LYPLAL1: variants seen among roughly 807,000 people sequenced by gnomAD.
The protein encoded by LYPLAL1 is lysophospholipase like 1, also known as lysophospholipase-like protein 1.
In LYPLAL1, 23 loss-of-function variants were observed where a neutral mutation model predicts 19.7. That is an observed-to-expected ratio of 1.17 (90% CI 0.84 to 1.65). The LOEUF is 1.65. Among genes scored for constraint, LYPLAL1 ranks in the 40% most tolerant of loss-of-function variants. The pLI is 0.00. For synonymous variants in LYPLAL1, 119 were observed against 96.3 expected, an observed-to-expected ratio of 1.24 and a Z score of -1.38; for missense variants, 355 against 279.4, an observed-to-expected ratio of 1.27 and a Z score of -1.93.
At chr1:219,174,456 A>C (rs545876847) in intron 1 of LYPLAL1, among the ~76,000 whole-genome samples, 3 of 152,280 alleles carry the variant, frequency 2.0e-5, no homozygotes, top group South Asian at 4.1e-4. Flanking sequence ...TTTACAGATT[A>C]TCTCTTTTCT....
At chr1:219,365,200 T>C in the LYPLAL1 span, among the ~76,000 whole-genome samples, 3 of 152,142 alleles carry the variant, frequency 2.0e-5, no homozygotes, top group African/African-American at 7.2e-5. Context: ...GAGGTGATTC[T>C]AGAATCTTTT....
chr1:219,225,744 T>G, the LYPLAL1 span, among the ~76,000 whole-genome samples: 1 of 152,296 alleles, frequency 6.6e-6, no homozygotes, highest in South Asian at 2.1e-4. Flanking sequence ...ATTCAAATTC[T>G]TTAGCTCAGC....
At position 219,211,548 on chromosome 1, in the gene LYPLAL1, A is replaced by C; in HGVS notation, c.534A>C (p.Ala178=). 6.2e-7 allele frequency: 1 copy of C among 1,613,370 alleles called. No individual in the cohort carries two copies. Among genetic ancestry groups the C allele is most frequent in the Non-Finnish European group, 8.5e-7 (1 of 1,179,468 alleles). ...LPELFQCHGT[A]DELVLHSWAE... is the part of the protein sequence containing the mutation. The stretch of plus-strand genomic sequence containing the variant: ...AATTATTTCAGTGTCATGGTACTGC[A>C]GATGAGTTAGTTCTTCATTCTTGGG... The change falls in exon 5 of 5, where the codon GCA becomes GCC. Residue 178 remains alanine (A), a synonymous_variant. Transcript: ENST00000366928.
At chr1:219,287,210 G>A in the LYPLAL1 span, among the ~76,000 whole-genome samples, 1 of 152,144 alleles carries the variant, frequency 6.6e-6, no homozygotes, top group Non-Finnish European at 1.5e-5. Context: ...GAGGAAGAAT[G>A]ACAAGGACTT....
the LYPLAL1 span, among the ~76,000 whole-genome samples, chr1:219,383,718 C>A: frequency 6.6e-6 from 1 of 152,222 alleles, no homozygotes; most frequent in East Asian, 1.9e-4. Context: ...ACTGCTCAAA[C>A]TGTCTCAACT....
intron 3 of LYPLAL1, among the ~76,000 whole-genome samples, chr1:219,208,775 A>G (rs1003960027): frequency 6.6e-6 from 1 of 152,118 alleles, no homozygotes; most frequent in African/African-American, 2.4e-5. Flanking sequence ...AACCCTCATG[A>G]TGTTATTAAA....
chr1:219,379,020 C>A, the LYPLAL1 span, among the ~76,000 whole-genome samples: 38 of 152,232 alleles, frequency 2.5e-4, 2 homozygotes, highest in East Asian at 6.8e-3. Context: ...TGGAGGCCAA[C>A]TAGCAACATA....
chr1:219,225,040 G>A, the LYPLAL1 span, among the ~76,000 whole-genome samples: 2 of 152,016 alleles, frequency 1.3e-5, no homozygotes, highest in African/African-American at 4.8e-5. Flanking sequence ...GCCCCTTAAT[G>A]TGGAAGGTCC....
chr1:219,327,409 T>G, the LYPLAL1 span, among the ~76,000 whole-genome samples: 11 of 152,134 alleles, frequency 7.2e-5, 2 homozygotes, highest in African/African-American at 2.2e-4. Context: ...GAATTTGAAA[T>G]GGCGAGGCAA....
At chr1:219,313,412 C>T in the LYPLAL1 span, among the ~76,000 whole-genome samples, 1 of 152,148 alleles carries the variant, frequency 6.6e-6, no homozygotes, top group African/African-American at 2.4e-5. Context: ...GACAGCTGCT[C>T]CTCTTTCAGC....
the LYPLAL1 span, among the ~76,000 whole-genome samples, chr1:219,290,950 A>T: frequency 6.6e-6 from 1 of 152,172 alleles, no homozygotes; most frequent in Non-Finnish European, 1.5e-5. Flanking sequence ...AAAACCTGAG[A>T]TCAAATCCTA....
chr1:219,384,441 T>C, the LYPLAL1 span, among the ~76,000 whole-genome samples: 1 of 152,220 alleles, frequency 6.6e-6, no homozygotes, highest in Non-Finnish European at 1.5e-5. Flanking sequence ...AAGAAGCATT[T>C]GGGAGGCATT....
the LYPLAL1 span, among the ~76,000 whole-genome samples, chr1:219,362,073 A>G: frequency 1.3e-5 from 2 of 152,144 alleles, no homozygotes; most frequent in Admixed American, 6.6e-5. Context: ...TGATAGATTA[A>G]TAGAATGTTA....
At chr1:219,373,100 A>G in the LYPLAL1 span, among the ~76,000 whole-genome samples, 1 of 152,218 alleles carries the variant, frequency 6.6e-6, no homozygotes, top group East Asian at 1.9e-4. Context: ...TGGTGGCTGA[A>G]AAAAATGAGT....
chr1:219,321,702 G>A, the LYPLAL1 span, among the ~76,000 whole-genome samples: 1 of 152,224 alleles, frequency 6.6e-6, no homozygotes, highest in Admixed American at 6.5e-5. Flanking sequence ...GGTAGTGATA[G>A]CATAAACCAG....
the LYPLAL1 span, among the ~76,000 whole-genome samples, chr1:219,436,293 CT>C: frequency 1.3e-5 from 2 of 152,148 alleles, no homozygotes; most frequent in Non-Finnish European, 2.9e-5. Context: ...CTCTAGGTGC[CT>C]TTGTATTTGT....
chr1:219,385,824 G>A, the LYPLAL1 span, among the ~76,000 whole-genome samples: 1 of 152,056 alleles, frequency 6.6e-6, no homozygotes, highest in Non-Finnish European at 1.5e-5. Context: ...CATACAGTTG[G>A]GAAAAGACTT....
At chr1:219,261,588 T>C in the LYPLAL1 span, among the ~76,000 whole-genome samples, 1 of 152,190 alleles carries the variant, frequency 6.6e-6, no homozygotes, top group Non-Finnish European at 1.5e-5. Flanking sequence ...AGCATTTGTT[T>C]GTCTGAAAAA....
At chr1:219,228,443 G>C in the LYPLAL1 span, among the ~76,000 whole-genome samples, 1 of 152,138 alleles carries the variant, frequency 6.6e-6, no homozygotes, top group East Asian at 1.9e-4. Context: ...AATTCCTGCG[G>C]CAATCTCCAA....
Sources: gnomAD v4.1 joint callset for allele counts (sites outside exome capture counted in the v4.1 genomes callset) on GRCh38, gnomAD v4.1.1 for gene constraint, MANE v1.5 for transcripts, NCBI Gene and HGNC (gene_info 2026-07-23, HGNC 2026-07-21) for gene names.